GCA: variants seen among roughly 807,000 people sequenced by gnomAD.
GCA encodes the protein grancalcin, also known as grancalcin, EF-hand calcium-binding protein.
GCA carries 30 observed loss-of-function variants against 32.6 expected under a neutral mutation model. That is an observed-to-expected ratio of 0.92 (90% CI 0.69 to 1.25). The LOEUF (loss-of-function observed/expected upper bound fraction) is 1.25, where lower values mean the gene tolerates loss of function less well. Ranked by LOEUF, GCA falls within the 50% of genes most tolerant of loss-of-function variation. The probability of loss-of-function intolerance (pLI) is 0.00; values close to 1 mark genes in which losing one functional copy is unlikely to be tolerated. For missense variants in GCA, 291 were observed against 266.8 expected (o/e 1.09, Z -0.63); for synonymous variants, 102 against 84.6 (o/e 1.21, Z -1.13).
chr2:162,325,431 G>A (rs1281169055), intron 1 of GCA, among the ~76,000 whole-genome samples: 3 of 152,190 alleles, frequency 2.0e-5, no homozygotes, highest in African/African-American at 7.2e-5. Flanking sequence ...GGAGCTGACT[G>A]AGTAATAAAT....
At chr2:162,346,151 C>T (rs79500838) in intron 1 of GCA, among the ~76,000 whole-genome samples, 3,395 of 152,170 alleles carry the variant, frequency 0.022, 133 homozygotes, top group African/African-American at 0.077. Flanking sequence ...ATGAAACAAT[C>T]TAAAACTTCG....
In GCA at chr2:162,344,225, C is replaced by G. The variant is rs372896502; in HGVS notation, c.-24C>G. ...CTGCGGACGCGACTCGAGGGTGACG[C>G]TCGCTCCGCTCGTCCCGCTCGTCAT... On this transcript the variant is annotated 5_prime_UTR_variant, in exon 1 of 8. Coordinates refer to ENST00000437150, the MANE Select transcript of GCA (RefSeq NM_012198.5). 1.1e-5 allele frequency: 18 copies of G among 1,613,678 alleles called. No individual in the cohort carries two copies. Among genetic ancestry groups the G allele is most frequent in the Non-Finnish European group, 1.4e-5 (16 of 1,179,852 alleles).
At position 162,344,423 on chromosome 2, in the gene GCA, GC is replaced by G. The variant is rs1558892478; in HGVS notation, c.27+150del. 8.2e-6 allele frequency: 6 copies of G among 732,756 alleles called. No homozygotes were observed. The African/African-American group carries it at 1.1e-4, about 13-fold the overall frequency. The allele number at this position is 732,756 out of a possible 1,614,324, so 45.4% of individuals were successfully genotyped here. A position where few individuals can be genotyped will look rare whatever the true frequency, so the allele number is the denominator to read the frequency against. ...GCGCCGGATTCCGGGGCTGTTGGGGGCCAGGGCCTGGGCGAGCATTGATCCT... is the reference window on the plus strand; with the variant it reads ...GCGCCGGATTCCGGGGCTGTTGGGGGCAGGGCCTGGGCGAGCATTGATCCT... On this transcript the variant is annotated intron_variant, in intron 1 of 7. Transcript: ENST00000437150.
At chr2:162,373,319 AC>A (rs1308504146), downstream of GCA, 6 of 449,494 alleles carry the variant, frequency 1.3e-5, no homozygotes, top group Non-Finnish European at 7.7e-6. Context: ...AATGCAGATT[AC>A]AGGGCCCATT....
At chr2:162,372,251 G>T (rs368729924), downstream of GCA, among the ~76,000 whole-genome samples, 11 of 152,230 alleles carry the variant, frequency 7.2e-5, no homozygotes, top group South Asian at 2.3e-3. Flanking sequence ...GAGTCAGGAC[G>T]TCGGAGATTG....
chr2:162,361,940 T>G lies in GCA; in HGVS notation c.*1697T>G. ...GTTACTGAACTATTCTGCGGTCGAT[T>G]ATGATTATCTCTCTTACTTGGAGGC... is the stretch of plus-strand genomic sequence containing the variant. On this transcript the variant is annotated 3_prime_UTR_variant, in exon 8 of 8. Coordinates refer to ENST00000437150, the MANE Select transcript of GCA (RefSeq NM_012198.5). The G allele has an allele frequency of 1.0e-6, 1 of 984,332 alleles. No homozygotes were observed. The highest frequency in any genetic ancestry group is 1.2e-6 in the Non-Finnish European group (1 of 829,122). 61.0% of individuals were successfully genotyped at this position (984,332 alleles called of 1,614,324 possible).
chr2:162,347,725 A>G lies in GCA; in HGVS notation c.175A>G (p.Ser59Gly). ...SAGDSVYTYF[S>G]AVAGQDGEVD... ...TGGTGACTCCGTGTATACTTACTTC[A>G]GTGCTGTTGCTGGACAGGTGAGATG... is the stretch of plus-strand genomic sequence containing the variant. The change falls in exon 2 of 8, where the codon AGT becomes GGT. Residue 59 changes from serine to glycine, a missense_variant. By Grantham distance (56) the Ser-to-Gly change is moderately conservative (BLOSUM62 0). Transcript: ENST00000437150. The G allele has an allele frequency of 1.3e-6, 2 of 1,560,708 alleles. No homozygotes were observed. Among genetic ancestry groups the G allele is most frequent in the Non-Finnish European group, 8.7e-7 (1 of 1,150,090 alleles).
intron 1 of GCA, among the ~76,000 whole-genome samples, chr2:162,324,400 G>T (rs928014202): frequency 1.3e-5 from 2 of 152,172 alleles, no homozygotes; most frequent in Non-Finnish European, 2.9e-5. Context: ...AGCGGCCTGG[G>T]CTCCCCTCAA....
chr2:162,334,157 G>A (rs986398648), intron 1 of GCA, among the ~76,000 whole-genome samples: 1 of 152,130 alleles, frequency 6.6e-6, no homozygotes, highest in South Asian at 2.1e-4. Flanking sequence ...CACAGATGAT[G>A]TTTCCTCTGC....
At chr2:162,347,162 C>T (rs1422546192) in intron 1 of GCA, among the ~76,000 whole-genome samples, 1 of 152,154 alleles carries the variant, frequency 6.6e-6, no homozygotes, top group Non-Finnish European at 1.5e-5. Context: ...TAAATGTTGA[C>T]ACTTAAAGTT....
upstream of GCA, chr2:162,344,077 A>G: frequency 1.5e-6 from 1 of 674,054 alleles, no homozygotes; most frequent in Non-Finnish European, 2.6e-6. Flanking sequence ...GGAACCGTGC[A>G]GGGCGGGGCT....
Position 162,360,353 on chromosome 2 carries a change from A to G in GCA, c.*110A>G. Reference sequence around the variant, plus strand: ...GTTTTCTATGTTCTTCCTACCTGTTAAACCTCTTCCCTTTCTGTGTGTTTT... The same window carrying G: ...GTTTTCTATGTTCTTCCTACCTGTTGAACCTCTTCCCTTTCTGTGTGTTTT... On this transcript the variant is annotated 3_prime_UTR_variant, in exon 8 of 8. Coordinates refer to ENST00000437150, the MANE Select transcript of GCA (RefSeq NM_012198.5). 1 of 1,454,186 alleles carries G rather than the reference A, an allele frequency of 6.9e-7. No individual in the cohort carries two copies. Among genetic ancestry groups the G allele is most frequent in the African/African-American group, 1.5e-5 (1 of 67,722 alleles). The allele number at this position is 1,454,186 out of a possible 1,614,324, so 90.1% of individuals were successfully genotyped here.
rs559426747 is a variant in GCA at position 162,345,248 on chromosome 2, C to G, written c.27+973C>G. Among the ~76,000 whole-genome samples, 3 of 152,234 alleles carry G rather than the reference C, an allele frequency of 2.0e-5. No homozygotes were observed. The East Asian group carries it at 5.8e-4, about 29-fold the overall frequency. ...TTTCCTTAAGACTTGCCTCAATCCC[C>G]TCTGGCACCGTCCACTTTGTAATGC... On this transcript the variant is annotated intron_variant, in intron 1 of 7. Coordinates refer to ENST00000437150, the MANE Select transcript of GCA (RefSeq NM_012198.5).
chr2:162,372,065 T>C, downstream of GCA: 8 of 1,613,064 alleles, frequency 5.0e-6, no homozygotes, highest in African/African-American at 1.3e-5. Flanking sequence ...GATTTAAGTT[T>C]AGATTTTTCA....
upstream of GCA, chr2:162,344,013 G>A (rs927860780): frequency 2.6e-5 from 15 of 587,646 alleles, no homozygotes; most frequent in African/African-American, 2.8e-4. Flanking sequence ...GCTAGGCTGC[G>A]GGAAGGGGCG....
intron 2 of GCA, 21 bp from the exon 3 acceptor site, chr2:162,352,317 G>A (rs368141101): frequency 1.7e-5 from 24 of 1,419,342 alleles, no homozygotes; most frequent in Admixed American, 1.7e-4. Context: ...ATTAAATTAG[G>A]TCATAATTAT....
chr2:162,371,938 G>A (rs775263383), downstream of GCA: 18 of 1,613,784 alleles, frequency 1.1e-5, no homozygotes, highest in Non-Finnish European at 1.5e-5. Context: ...ATGAACGTAA[G>A]TTTTTCTTTG....
intron 4 of GCA, among the ~76,000 whole-genome samples, chr2:162,368,392 TC>T (rs1685824220): frequency 6.6e-6 from 1 of 152,050 alleles, no homozygotes; most frequent in African/African-American, 2.4e-5. Context: ...GTTATGCAAT[TC>T]ATTTCTAATA....
At chr2:162,353,903 T>C (rs1394972937) in intron 3 of GCA, among the ~76,000 whole-genome samples, 2 of 152,134 alleles carry the variant, frequency 1.3e-5, no homozygotes, top group Admixed American at 6.6e-5. Flanking sequence ...CTATCATTTT[T>C]TTTTGCTGAA....
Sources: allele counts gnomAD v4.1 joint callset (sites outside exome capture counted in the v4.1 genomes callset), GRCh38; gene constraint gnomAD v4.1.1; transcripts MANE v1.5; gene names NCBI Gene and HGNC (gene_info 2026-07-23, HGNC 2026-07-21).